NLGN1: variants seen among roughly 807,000 people sequenced by gnomAD.
NLGN1 encodes neuroligin 1.
Under a neutral mutation model 65.5 loss-of-function variants are expected in NLGN1, and 12 were observed. The ratio of observed to expected loss-of-function variants is 0.18; its 90% CI spans 0.12 to 0.30. The LOEUF (loss-of-function observed/expected upper bound fraction) is 0.30, where lower values mean the gene tolerates loss of function less well. Among genes scored for constraint, NLGN1 ranks in the 10% least tolerant of loss-of-function variants. NLGN1 has a pLI of 1.00. For missense variants in NLGN1, 750 were observed against 1,007.1 expected (o/e 0.74, Z 3.46); for synonymous variants, 350 against 359.5 (o/e 0.97, Z 0.30).
At chr3:174,062,873 A>T (rs948316494) in intron 4 of NLGN1, among the ~76,000 whole-genome samples, 10 of 152,060 alleles carry the variant, frequency 6.6e-5, no homozygotes, top group African/African-American at 2.2e-4. Context: ...ATGTGGAAAA[A>T]TATTACATTT....
At chr3:173,725,504 A>G (rs570586027) in intron 3 of NLGN1, among the ~76,000 whole-genome samples, 1 of 152,308 alleles carries the variant, frequency 6.6e-6, no homozygotes, top group Non-Finnish European at 1.5e-5. Flanking sequence ...GTATTATTAA[A>G]GGGGGATCCC....
intron 2 of NLGN1, among the ~76,000 whole-genome samples, chr3:173,593,827 G>A (rs552286851): frequency 7.4e-4 from 112 of 152,290 alleles, no homozygotes; most frequent in African/African-American, 2.0e-3. Context: ...GAATCATGGC[G>A]GGAGATGAAA....
chr3:174,059,089 GT>G (rs1324835937), intron 4 of NLGN1, among the ~76,000 whole-genome samples: 1 of 152,144 alleles, frequency 6.6e-6, no homozygotes, highest in African/African-American at 2.4e-5. Flanking sequence ...TTCTTCAAGT[GT>G]TTGGTGCTAA....
chr3:173,999,681 A>C (rs1722915055), intron 4 of NLGN1, among the ~76,000 whole-genome samples: 1 of 152,152 alleles, frequency 6.6e-6, no homozygotes, highest in African/African-American at 2.4e-5. Context: ...TTGTAAGACA[A>C]AGGCATCAGT....
At chr3:174,122,100 C>G (rs886310012) in intron 4 of NLGN1, among the ~76,000 whole-genome samples, 26 of 152,118 alleles carry the variant, frequency 1.7e-4, no homozygotes, top group Admixed American at 1.6e-3. Context: ...TTCAGTCATA[C>G]TGTCTTAACA....
rs1384024983 is a variant in NLGN1 at position 173,520,485 on chromosome 3, A to T, written c.-320-83794A>T. 2.6e-5 allele frequency among the ~76,000 whole-genome samples: 4 copies of T among 152,348 alleles called. No individual in the cohort carries two copies. In the South Asian group the frequency reaches 6.2e-4, roughly 24 times the overall value. On this transcript the variant is annotated intron_variant, in intron 2 of 6. Coordinates refer to ENST00000457714, the Ensembl canonical transcript of NLGN1. ...ACACTAGAAAACAAGTACTGAGTTA[A>T]TGCTGGGGCTGAGAATATGGAAAGG...
downstream of NLGN1, among the ~76,000 whole-genome samples, chr3:174,289,993 ATTCTTTT>A (rs1752581606): frequency 6.9e-6 from 1 of 144,780 alleles, no homozygotes; most frequent in African/African-American, 2.5e-5. Flanking sequence ...ATACATATAT[ATTCTTTT>A]TTTAAATTTA....
intron 4 of NLGN1, among the ~76,000 whole-genome samples, chr3:173,934,543 G>A (rs1744704365): frequency 6.6e-6 from 1 of 151,782 alleles, no homozygotes; most frequent in African/African-American, 2.4e-5. Flanking sequence ...GAATTACTTT[G>A]AGTAAATATA....
intron 1 of NLGN1, among the ~76,000 whole-genome samples, chr3:173,402,763 A>G (rs188375823): frequency 2.0e-4 from 30 of 152,352 alleles, no homozygotes; most frequent in Admixed American, 1.8e-3. Flanking sequence ...CACAGAAGAT[A>G]TCAGCAAACT....
chr3:174,044,602 C>T (rs2152493956), intron 4 of NLGN1, among the ~76,000 whole-genome samples: 1 of 152,268 alleles, frequency 6.6e-6, no homozygotes, highest in East Asian at 1.9e-4. Context: ...AGCCTCTCAG[C>T]CTGGACTTCA....
chr3:173,507,331 G>T (rs1732197548), intron 2 of NLGN1, among the ~76,000 whole-genome samples: 2 of 151,886 alleles, frequency 1.3e-5, no homozygotes, highest in Admixed American at 1.3e-4. Flanking sequence ...GTTTGTAAAG[G>T]ACAATCAAAT....
chr3:174,241,860 G>A (rs563722116), intron 4 of NLGN1, among the ~76,000 whole-genome samples: 11 of 151,952 alleles, frequency 7.2e-5, no homozygotes, highest in East Asian at 2.0e-4. Context: ...GGGTTTCACC[G>A]TGTTAGCCAG....
intron 3 of NLGN1, among the ~76,000 whole-genome samples, chr3:173,606,844 T>C (rs1337338271): frequency 1.3e-5 from 2 of 151,966 alleles, no homozygotes; most frequent in Admixed American, 1.3e-4. Flanking sequence ...TAAGGGTGTT[T>C]TAAATGACTA....
At chr3:173,934,522 A>G (rs1744701044) in intron 4 of NLGN1, among the ~76,000 whole-genome samples, 1 of 151,884 alleles carries the variant, frequency 6.6e-6, no homozygotes, top group South Asian at 2.1e-4. Context: ...GACTTTTTAT[A>G]TGGAGGATAA....
chr3:174,205,636 C>T (rs1159304377), intron 4 of NLGN1, among the ~76,000 whole-genome samples: 1 of 152,014 alleles, frequency 6.6e-6, no homozygotes, highest in Non-Finnish European at 1.5e-5. Context: ...TTTACAATAG[C>T]AAAAATGAAC....
At chr3:174,133,340 G>A (rs1720563139) in intron 4 of NLGN1, among the ~76,000 whole-genome samples, 1 of 152,100 alleles carries the variant, frequency 6.6e-6, no homozygotes, top group African/African-American at 2.4e-5. Flanking sequence ...TCTAATCTTT[G>A]ACATCTAAAT....
intron 4 of NLGN1, among the ~76,000 whole-genome samples, chr3:173,903,307 A>G (rs149835777): frequency 3.3e-5 from 5 of 152,252 alleles, no homozygotes; most frequent in Non-Finnish European, 7.4e-5. Flanking sequence ...AGAACAGACC[A>G]GACTCAGCTA....
intron 2 of NLGN1, among the ~76,000 whole-genome samples, chr3:173,587,408 G>T (rs1389668946): frequency 6.6e-6 from 1 of 152,134 alleles, no homozygotes; most frequent in Non-Finnish European, 1.5e-5. Context: ...ATGGAAATAA[G>T]TATATACAAA....
intron 4 of NLGN1, among the ~76,000 whole-genome samples, chr3:174,194,466 GA>G (rs1577302899): frequency 1.3e-5 from 2 of 149,718 alleles, no homozygotes; most frequent in South Asian, 4.2e-4. Context: ...AAAAGAAAAA[GA>G]AAAAAAAGAA....
Sources: allele counts gnomAD v4.1 joint callset (sites outside exome capture counted in the v4.1 genomes callset), GRCh38; gene constraint gnomAD v4.1.1; transcripts MANE v1.5; gene names NCBI Gene and HGNC (gene_info 2026-07-23, HGNC 2026-07-21).